The following CSNK1G1 variants were observed in gnomAD, a reference collection of about 807,000 sequenced individuals.
CSNK1G1 encodes casein kinase I isoform gamma-1.
A neutral mutation model predicts 59.6 loss-of-function variants in CSNK1G1; 22 were observed. The observed-to-expected ratio is 0.37, with a 90% CI of 0.26 to 0.53. CSNK1G1 has a LOEUF of 0.53. Among genes scored for constraint, CSNK1G1 ranks in the 20% least tolerant of loss-of-function variants. The pLI is 0.89. For synonymous variants in CSNK1G1, 179 were observed against 177.1 expected, an observed-to-expected ratio of 1.01 and a Z score of -0.08; for missense variants, 384 against 519.5, an observed-to-expected ratio of 0.74 and a Z score of 2.54.
chr15:64,309,292 A>T (rs1895858380), intron 1 of CSNK1G1, among the ~76,000 whole-genome samples: 1 of 143,148 alleles, frequency 7.0e-6, no homozygotes, highest in South Asian at 2.3e-4. Context: ...GTAAGTTCTC[A>T]AATACTTAGT....
intron 2 of CSNK1G1, among the ~76,000 whole-genome samples, chr15:64,262,039 A>C (rs892313276): frequency 6.6e-6 from 1 of 152,166 alleles, no homozygotes; most frequent in Non-Finnish European, 1.5e-5. Flanking sequence ...TTAAAATGAA[A>C]GGTTTTATGA....
At chr15:64,208,527 C>T (rs2082211299) in intron 6 of CSNK1G1, among the ~76,000 whole-genome samples, 1 of 152,126 alleles carries the variant, frequency 6.6e-6, no homozygotes, top group South Asian at 2.1e-4. Flanking sequence ...GTAGTACACA[C>T]CTTCGTTTCT....
chr15:64,332,695 A>G (rs1165899188), intron 1 of CSNK1G1, among the ~76,000 whole-genome samples: 3 of 151,704 alleles, frequency 2.0e-5, no homozygotes, highest in African/African-American at 7.2e-5. Flanking sequence ...ATAAAATAAA[A>G]TAAAAAAACC....
At chr15:64,320,678 CAA>C (rs1031206646) in intron 1 of CSNK1G1, among the ~76,000 whole-genome samples, 6 of 43,140 alleles carry the variant, frequency 1.4e-4, no homozygotes, top group Admixed American at 2.4e-4. Flanking sequence ...GGCTCCATCA[CAA>C]AAAAAAAAAA....
At chr15:64,336,184 T>G (rs1897380078) in intron 1 of CSNK1G1, among the ~76,000 whole-genome samples, 2 of 152,178 alleles carry the variant, frequency 1.3e-5, no homozygotes. Context: ...AGTAAACAAA[T>G]GTAAAATTGA....
At position 64,251,565 on chromosome 15, in the gene CSNK1G1, C is replaced by T. The variant is rs769976038; in HGVS notation, c.239G>A (p.Arg80His). ...VAIKLEPIKS[R>H]APQLHLEYRF... ...GTACTCTAAATGAAGCTGTGGAGCA[C>T]GTGATTTTATTGGTTCCTGAAATCC... Residue 80 changes from arginine to histidine, a missense_variant, in exon 4 of 12, where the codon CGT becomes CAT. By Grantham distance (29) the Arg-to-His change is conservative. Around this residue, in one of 3 missense-constraint regions of CSNK1G1, gnomAD observed 325 missense variants for 440.9 expected, o/e 0.74. Transcript: ENST00000303052. The T allele has an allele frequency of 1.2e-5, 19 of 1,611,854 alleles. No individual in the cohort carries two copies. The highest frequency in any genetic ancestry group is 3.3e-5 in the South Asian group (3 of 90,754).
intron 9 of CSNK1G1, among the ~76,000 whole-genome samples, chr15:64,203,797 G>A (rs1325216612): frequency 6.6e-6 from 1 of 151,922 alleles, no homozygotes; most frequent in Non-Finnish European, 1.5e-5. Context: ...TATGATGCTG[G>A]GTTCCACTGC....
Position 64,188,360 on chromosome 15 carries a change from A to G in CSNK1G1, c.1108-7906T>C, listed in dbSNP as rs934916358. On this transcript the variant is annotated intron_variant, in intron 10 of 11. Transcript: ENST00000303052. This position sits in a 1 kb window ranked among gnomAD's most constrained non-coding sequence, Gnocchi z 4.2. The stretch of plus-strand genomic sequence containing the variant: ...GCTGGAAAGGCCAGGAAAAGGCAAT[A>G]AAGGCAGTAAATACCTGCACTGATC... The G allele has an allele frequency of 2.2e-5, 34 of 1,523,712 alleles. No homozygotes were observed. In the Admixed American group the frequency reaches 6.7e-4, roughly 30 times the overall value. 94.4% of individuals were successfully genotyped at this position (1,523,712 alleles called of 1,614,324 possible).
At chr15:64,335,495 G>T (rs1897344137) in intron 1 of CSNK1G1, among the ~76,000 whole-genome samples, 1 of 152,006 alleles carries the variant, frequency 6.6e-6, no homozygotes, top group Non-Finnish European at 1.5e-5. Context: ...ACACAAAAAG[G>T]CAGCCTTGAT....
intron 2 of CSNK1G1, among the ~76,000 whole-genome samples, chr15:64,288,621 C>T (rs1806048641): frequency 6.6e-6 from 1 of 150,690 alleles, no homozygotes; most frequent in Non-Finnish European, 1.5e-5. Flanking sequence ...TCCTCTTGTC[C>T]TAGTAACCCC....
intron 2 of CSNK1G1, among the ~76,000 whole-genome samples, chr15:64,273,071 T>C (rs1893411758): frequency 6.6e-6 from 1 of 152,220 alleles, no homozygotes. Context: ...TCACTTAAAA[T>C]CACAGTGTCC....
At chr15:64,285,606 TACAA>T (rs1263860894) in intron 2 of CSNK1G1, among the ~76,000 whole-genome samples, 1 of 152,132 alleles carries the variant, frequency 6.6e-6, no homozygotes, top group African/African-American at 2.4e-5. Flanking sequence ...AGTTTCACAG[TACAA>T]ACAAACATTA....
At chr15:64,286,524 T>G (rs1252157353) in intron 2 of CSNK1G1, among the ~76,000 whole-genome samples, 2 of 152,094 alleles carry the variant, frequency 1.3e-5, no homozygotes, top group African/African-American at 2.4e-5. Context: ...CTTATATATT[T>G]CTTCTATTAT....
At chr15:64,277,683 CAATATTGATATATTTAATAATATATT>C (rs1566930163) in intron 2 of CSNK1G1, among the ~76,000 whole-genome samples, 58 of 85,374 alleles carry the variant, frequency 6.8e-4, no homozygotes, top group Non-Finnish European at 8.5e-4. Flanking sequence ...AATAATATAG[CAATATTGATATATTTAATAATATATT>C]AATATTGATA....
intron 1 of CSNK1G1, among the ~76,000 whole-genome samples, chr15:64,303,616 G>GT (rs2140408289): frequency 6.6e-6 from 1 of 152,122 alleles, no homozygotes; most frequent in African/African-American, 2.4e-5. Context: ...GCCAGGCGTG[G>GT]TTGTGCATGC....
chr15:64,313,065 G>A (rs371441375), intron 1 of CSNK1G1, among the ~76,000 whole-genome samples: 15 of 152,104 alleles, frequency 9.9e-5, no homozygotes, highest in African/African-American at 2.2e-4. Context: ...ACCATCTCAC[G>A]CCAGTTAGAA....
chr15:64,345,272 C>G (rs1897892059), intron 1 of CSNK1G1, among the ~76,000 whole-genome samples: 1 of 152,182 alleles, frequency 6.6e-6, no homozygotes, highest in South Asian at 2.1e-4. Context: ...AATCAAGATT[C>G]TCAGCCTGAG....
At chr15:64,217,747 C>T (rs2082330695) in intron 4 of CSNK1G1, among the ~76,000 whole-genome samples, 1 of 148,488 alleles carries the variant, frequency 6.7e-6, no homozygotes, top group African/African-American at 2.5e-5. Context: ...ACTCAGGAGG[C>T]GGAGGTTGCA....
At chr15:64,340,241 A>T (rs950819347) in intron 1 of CSNK1G1, among the ~76,000 whole-genome samples, 1 of 152,230 alleles carries the variant, frequency 6.6e-6, no homozygotes, top group Non-Finnish European at 1.5e-5. Flanking sequence ...TATATCTGCA[A>T]ATAGTAGTAA....
Sources: gnomAD v4.1 joint callset for allele counts (sites outside exome capture counted in the v4.1 genomes callset) on GRCh38, gnomAD v4.1.1 for gene constraint, gnomAD v4.1.1 regional missense constraint, Gnocchi (gnomAD v3.1) non-coding constraint, MANE v1.5 for transcripts, NCBI Gene and HGNC (gene_info 2026-07-23, HGNC 2026-07-21) for gene names.